Variants in DMD observed in about 807,000 individuals in gnomAD.
DMD encodes dystrophin, also known as mutant dystrophin.
DMD carries 63 observed loss-of-function variants against 330.1 expected under a neutral mutation model. That is an observed-to-expected ratio of 0.19 (90% CI 0.16 to 0.24). DMD has a LOEUF of 0.24. DMD is among the 10% of genes least tolerant of loss of function. The pLI, the probability that DMD is intolerant of heterozygous loss-of-function variation, is 1.00. For synonymous variants in DMD, 1,223 were observed against 959.8 expected (o/e 1.27, Z -5.07); for missense variants, 3,344 against 2,684.1 (o/e 1.25, Z -5.43).
chrX:32,962,643 G>T (rs1033244181), intron 2 of DMD, among the ~76,000 whole-genome samples: 7 of 111,523 alleles, frequency 6.3e-5, no homozygotes, highest in African/African-American at 2.3e-4. Flanking sequence ...ACACATATGG[G>T]AAGGTTGAAG....
intron 59 of DMD, among the ~76,000 whole-genome samples, chrX:31,457,042 T>C (rs1175490924): frequency 9.2e-6 from 1 of 109,153 alleles, no homozygotes; most frequent in African/African-American, 3.3e-5. Context: ...AGAAAGATGC[T>C]GATGGAGGGG....
At chrX:31,898,140 C>T (rs1032539406) in intron 47 of DMD, among the ~76,000 whole-genome samples, 2 of 110,324 alleles carry the variant, frequency 1.8e-5, no homozygotes, top group African/African-American at 6.6e-5. Flanking sequence ...AATGGAAGAA[C>T]ATTCCATGCT....
chrX:32,422,756 T>C (rs2098195289), intron 29 of DMD, among the ~76,000 whole-genome samples: 1 of 111,705 alleles, frequency 9.0e-6, no homozygotes, highest in Non-Finnish European at 1.9e-5. Context: ...TTGTTTAACA[T>C]TCCCTTTTCC....
chrX:31,520,740 C>G (rs758039906), intron 55 of DMD, among the ~76,000 whole-genome samples: 2 of 108,796 alleles, frequency 1.8e-5, no homozygotes, highest in African/African-American at 6.7e-5. Flanking sequence ...AGTGCAGTGG[C>G]GCGATCTCGG....
intron 6 of DMD, among the ~76,000 whole-genome samples, chrX:32,812,776 G>A (rs1874454793): frequency 8.9e-6 from 1 of 111,800 alleles, no homozygotes; most frequent in African/African-American, 3.2e-5. Context: ...ACAAGCTTAT[G>A]GAAACTAGCT....
chrX:31,531,953 T>C (rs1353380267), intron 55 of DMD, among the ~76,000 whole-genome samples: 2 of 83,512 alleles, frequency 2.4e-5, no homozygotes, highest in African/African-American at 9.6e-5. Context: ...TAAAAAGAAA[T>C]GAGCAAAGCC....
At chrX:32,380,080 A>T (rs2097918747) in intron 34 of DMD, among the ~76,000 whole-genome samples, 1 of 111,300 alleles carries the variant, frequency 9.0e-6, no homozygotes, top group Non-Finnish European at 1.9e-5. Context: ...ACACCTTGAG[A>T]TTCTTTCTGA....
chrX:33,045,181 C>G (rs5972740), intron 1 of DMD, among the ~76,000 whole-genome samples: 11,356 of 110,266 alleles, frequency 0.1, 1,217 homozygotes, highest in African/African-American at 0.32. Context: ...CATTTTATTT[C>G]CCATTTACAG....
chrX:31,157,642 G>A (rs1386666849), intron 74 of DMD, among the ~76,000 whole-genome samples: 2 of 110,814 alleles, frequency 1.8e-5, no homozygotes, highest in Admixed American at 1.9e-4. Flanking sequence ...TGTGTGTCCC[G>A]GCTTCAATCC....
At chrX:33,073,662 C>A (rs144872897) in intron 1 of DMD, among the ~76,000 whole-genome samples, 2,440 of 110,119 alleles carry the variant, frequency 0.022, 61 homozygotes, top group African/African-American at 0.076. Flanking sequence ...GAAACCCCGT[C>A]TCTACTAAAA....
chrX:33,249,365 GGTC>G (rs2052729282), intron 1 of DMD, among the ~76,000 whole-genome samples: 1 of 111,316 alleles, frequency 9.0e-6, no homozygotes, highest in Non-Finnish European at 1.9e-5. Flanking sequence ...TGGCCAGGCT[GGTC>G]TCGAACTCCT....
At chrX:33,252,490 C>T (rs2052786897) in intron 1 of DMD, among the ~76,000 whole-genome samples, 1 of 110,764 alleles carries the variant, frequency 9.0e-6, no homozygotes. Flanking sequence ...GTTAACTAAT[C>T]TCATTAATGG....
chrX:32,581,054 G>A (rs1047434125), intron 13 of DMD, among the ~76,000 whole-genome samples: 1 of 111,361 alleles, frequency 9.0e-6, no homozygotes, highest in South Asian at 3.8e-4. Context: ...TCAAACTCCT[G>A]ACCTCAAGTG....
At chrX:31,186,645 T>C (rs1602493504) in intron 67 of DMD, among the ~76,000 whole-genome samples, 1 of 112,369 alleles carries the variant, frequency 8.9e-6, no homozygotes, top group African/African-American at 3.2e-5. Flanking sequence ...ACCCCTGAAC[T>C]TACAAGTTAA....
chrX:32,654,803 C>T (rs2146989484), intron 9 of DMD, among the ~76,000 whole-genome samples: 1 of 111,145 alleles, frequency 9.0e-6, no homozygotes, highest in African/African-American at 3.3e-5. Context: ...GGTTGGTAGG[C>T]TATTAATTAT....
intron 4 of DMD, among the ~76,000 whole-genome samples, chrX:32,826,812 T>A (rs1404262796): frequency 9.0e-6 from 1 of 110,744 alleles, no homozygotes; most frequent in Admixed American, 9.7e-5. Context: ...CAATATTGTA[T>A]TTTGAAAATT....
chrX:32,861,708 CCT>C (rs754880001), intron 2 of DMD, among the ~76,000 whole-genome samples: 16 of 111,581 alleles, frequency 1.4e-4, no homozygotes, highest in African/African-American at 5.2e-4. Flanking sequence ...TTCCTCTCTC[CCT>C]CTCTTACCAA....
chrX:32,920,836 T>A lies in DMD; in HGVS notation c.94-71016A>T, dbSNP rs12009987. 6.3e-3 allele frequency among the ~76,000 whole-genome samples: 704 copies of A among 112,016 alleles called. 3 individuals carry two copies. Among genetic ancestry groups the A allele is most frequent in the African/African-American group, 0.021 (648 of 30,870 alleles). Reference sequence around the variant, plus strand: ...AATATAATAAGTGTTATTGAAGAAATAAACAAGATGTTCAGATAGAAAGTA... The same window carrying A: ...AATATAATAAGTGTTATTGAAGAAAAAAACAAGATGTTCAGATAGAAAGTA... On this transcript the variant is annotated intron_variant, in intron 2 of 78. Coordinates refer to ENST00000357033, the MANE Select transcript of DMD (RefSeq NM_004006.3).
At chrX:31,732,150 G>A (rs1334829229) in intron 51 of DMD, among the ~76,000 whole-genome samples, 5 of 104,641 alleles carry the variant, frequency 4.8e-5, no homozygotes, top group African/African-American at 1.8e-4. Flanking sequence ...AAAATCTAAG[G>A]AGGTTCACAA....
Sources: allele counts gnomAD v4.1 joint callset (sites outside exome capture counted in the v4.1 genomes callset), GRCh38; gene constraint gnomAD v4.1.1; transcripts MANE v1.5; gene names NCBI Gene and HGNC (gene_info 2026-07-23, HGNC 2026-07-21).